GDI2: variants seen among roughly 807,000 people sequenced by gnomAD.
GDI2 encodes GDP dissociation inhibitor 2, also known as rab GDP dissociation inhibitor beta.
Under a neutral mutation model 54.2 loss-of-function variants are expected in GDI2, and 22 were observed. The ratio of observed to expected loss-of-function variants is 0.41; its 90% CI spans 0.29 to 0.58. The LOEUF is 0.58. GDI2 is among the 20% of genes least tolerant of loss of function. The pLI, the probability that GDI2 is intolerant of heterozygous loss-of-function variation, is 0.35. For synonymous variants in GDI2, 177 were observed against 182.1 expected, an observed-to-expected ratio of 0.97 and a Z score of 0.23; for missense variants, 422 against 546.0, an observed-to-expected ratio of 0.77 and a Z score of 2.26.
intron 3 of GDI2, among the ~76,000 whole-genome samples, chr10:5,795,684 C>T (rs988428572): frequency 6.6e-6 from 1 of 151,960 alleles, no homozygotes; most frequent in Non-Finnish European, 1.5e-5. Flanking sequence ...AATCCCAGCA[C>T]TTTGGGAGGC....
chr10:5,783,867 A>C (rs1012776714), intron 6 of GDI2, among the ~76,000 whole-genome samples: 36 of 152,176 alleles, frequency 2.4e-4, no homozygotes, highest in South Asian at 2.1e-4. Flanking sequence ...ACAGCTCTTA[A>C]GATTCTTTCC....
intron 1 of GDI2, among the ~76,000 whole-genome samples, chr10:5,805,435 G>A (rs909944718): frequency 2.0e-5 from 3 of 150,676 alleles, no homozygotes; most frequent in Admixed American, 6.6e-5. Context: ...AGCCTGGAGT[G>A]CAGTGGTGTG....
chr10:5,799,193 G>C (rs1841211339), intron 2 of GDI2, among the ~76,000 whole-genome samples: 1 of 151,774 alleles, frequency 6.6e-6, no homozygotes, highest in Non-Finnish European at 1.5e-5. Context: ...AATAAAATAA[G>C]CCAGGCAGGT....
chr10:5,785,869 T>G lies in GDI2; in HGVS notation c.570A>C (p.Ala190=), dbSNP rs372856678. The G allele has an allele frequency of 5.1e-5, 82 of 1,602,894 alleles. No individual in the cohort carries two copies. Among genetic ancestry groups the G allele is most frequent in the Non-Finnish European group, 6.8e-5 (80 of 1,170,308 alleles). The change falls in exon 5 of 11, where the codon GCA becomes GCC. Residue 190 remains alanine, a synonymous_variant. Transcript: ENST00000380191. ...ATACTTACTCATCAGTTCTGTAAAG[T>G]GCAAGAGCATGACCAGTAAAATCTA... ...DVIDFTGHAL[A]LYRTDDYLDQ... is the part of the protein sequence containing the mutation.
In GDI2 at chr10:5,813,335, G is replaced by A. The variant is rs900424519; in HGVS notation, c.-77C>T. 16 of 1,037,512 alleles carry A rather than the reference G, an allele frequency of 1.5e-5. No individual in the cohort carries two copies. Among genetic ancestry groups the A allele is most frequent in the Non-Finnish European group, 2.3e-5 (16 of 697,702 alleles). The allele number at this position is 1,037,512 out of a possible 1,614,324, so 64.3% of individuals were successfully genotyped here. A position where few individuals can be genotyped will look rare whatever the true frequency, so the allele number is the denominator to read the frequency against. On this transcript the variant is annotated 5_prime_UTR_variant, in exon 1 of 11. Transcript: ENST00000380191. ...CCGTGACCACCCTACGAGGCTGGGA[G>A]GCGCTCTTGGGCGCGAAGGAAAGGG...
intron 6 of GDI2, among the ~76,000 whole-genome samples, chr10:5,779,316 T>TG (rs779910140): frequency 4.5e-4 from 68 of 152,122 alleles, no homozygotes; most frequent in Non-Finnish European, 8.7e-4. Context: ...GAGACCATCC[T>TG]GGCCAACATG....
At chr10:5,770,438 A>G (rs921074790) in intron 7 of GDI2, among the ~76,000 whole-genome samples, 2 of 151,736 alleles carry the variant, frequency 1.3e-5, no homozygotes, top group Admixed American at 6.6e-5. Context: ...GTATGCATCT[A>G]TAATCCCAGC....
intron 7 of GDI2, among the ~76,000 whole-genome samples, chr10:5,773,565 G>A (rs1840547115): frequency 6.6e-6 from 1 of 152,024 alleles, no homozygotes; most frequent in African/African-American, 2.4e-5. Context: ...TGAAAATTTG[G>A]GAGACAGGCA....
intron 2 of GDI2, among the ~76,000 whole-genome samples, chr10:5,798,210 A>G (rs965549837): frequency 3.3e-5 from 5 of 152,274 alleles, no homozygotes; most frequent in African/African-American, 1.2e-4. Context: ...CAAAAAGCTT[A>G]TAAAGTTAGA....
At chr10:5,811,052 T>C (rs1841472072) in intron 1 of GDI2, among the ~76,000 whole-genome samples, 1 of 152,212 alleles carries the variant, frequency 6.6e-6, no homozygotes, top group Non-Finnish European at 1.5e-5. Flanking sequence ...ACTCCAGACA[T>C]TCAAAAGTTA....
chr10:5,800,330 C>T (rs1356982951), intron 2 of GDI2, among the ~76,000 whole-genome samples: 1 of 152,152 alleles, frequency 6.6e-6, no homozygotes, highest in Non-Finnish European at 1.5e-5. Flanking sequence ...GAGGAAAGCA[C>T]TGGACTTGCG....
chr10:5,791,830 T>C (rs1161738732), intron 4 of GDI2, among the ~76,000 whole-genome samples: 1 of 151,534 alleles, frequency 6.6e-6, no homozygotes, highest in East Asian at 1.9e-4. Flanking sequence ...GCAGGAGAAT[T>C]GCTTCAACTC....
intron 7 of GDI2, among the ~76,000 whole-genome samples, chr10:5,770,963 C>CAAAAAAAAAA (rs59686031): frequency 8.6e-5 from 4 of 46,366 alleles, no homozygotes; most frequent in East Asian, 1.7e-3. Context: ...GAGACTGTCT[C>CAAAAAAAAAA]AAAAAAAAAA....
chr10:5,812,698 C>A (rs1348001447), intron 1 of GDI2, among the ~76,000 whole-genome samples: 1 of 152,244 alleles, frequency 6.6e-6, no homozygotes, highest in East Asian at 1.9e-4. Flanking sequence ...TAATCAAGCC[C>A]TAGCAGTTCC....
At chr10:5,772,950 C>T (rs1370141191) in intron 7 of GDI2, among the ~76,000 whole-genome samples, 1 of 152,026 alleles carries the variant, frequency 6.6e-6, no homozygotes, top group Non-Finnish European at 1.5e-5. Flanking sequence ...ATTTAAGCCT[C>T]CAGGTATAAC....
chr10:5,787,551 C>T (rs1219658878), intron 4 of GDI2, among the ~76,000 whole-genome samples: 14 of 151,708 alleles, frequency 9.2e-5, no homozygotes, highest in Admixed American at 9.2e-4. Context: ...CAACTGACTA[C>T]ATTTAATTTT....
intron 6 of GDI2, among the ~76,000 whole-genome samples, chr10:5,779,161 A>G (rs1167927949): frequency 6.6e-6 from 1 of 152,244 alleles, no homozygotes; most frequent in East Asian, 1.9e-4. Context: ...ATTCAAGGAT[A>G]AATATGTTGT....
At chr10:5,811,087 CTCT>C (rs1181237092) in intron 1 of GDI2, among the ~76,000 whole-genome samples, 7 of 152,154 alleles carry the variant, frequency 4.6e-5, no homozygotes. Flanking sequence ...CTTTGGTTTT[CTCT>C]TCTTCTAATT....
intron 7 of GDI2, among the ~76,000 whole-genome samples, chr10:5,772,453 C>T (rs559361348): frequency 6.6e-6 from 1 of 152,026 alleles, no homozygotes; most frequent in Non-Finnish European, 1.5e-5. Flanking sequence ...TTCAAAAGAC[C>T]CAATTAAGTA....
Sources: allele counts gnomAD v4.1 joint callset (sites outside exome capture counted in the v4.1 genomes callset), GRCh38; gene constraint gnomAD v4.1.1; transcripts MANE v1.5; gene names NCBI Gene and HGNC (gene_info 2026-07-23, HGNC 2026-07-21).